CYP7B1: variants seen among roughly 807,000 people sequenced by gnomAD.
The protein encoded by CYP7B1 is cytochrome P450 7B1.
Under a neutral mutation model 42.7 loss-of-function variants are expected in CYP7B1, and 29 were observed. The ratio of observed to expected loss-of-function variants is 0.68; its 90% CI spans 0.51 to 0.93. The LOEUF is 0.93. Among genes scored for constraint, CYP7B1 ranks in the 40% least tolerant of loss-of-function variants. The probability of loss-of-function intolerance (pLI) is 0.00; values close to 1 mark genes in which losing one functional copy is unlikely to be tolerated. For missense variants in CYP7B1, 655 were observed against 600.5 expected, an observed-to-expected ratio of 1.09 and a Z score of -0.95; for synonymous variants, 235 against 218.2, an observed-to-expected ratio of 1.08 and a Z score of -0.68.
In CYP7B1 at chr8:64,759,976, T is replaced by C. The variant is rs1195092341; in HGVS notation, c.122+38490A>G. ...ATATTTCAGAGAATATGTTATAGAA[T>C]TTTTATAATTAAAATGTAGATATAA... On this transcript the variant is annotated intron_variant, in intron 1 of 5. Transcript: ENST00000310193. Among the ~76,000 whole-genome samples, 7 of 152,306 alleles carry C rather than the reference T, an allele frequency of 4.6e-5. No homozygotes were observed. In the East Asian group the frequency reaches 1.3e-3, roughly 29 times the overall value.
intron 2 of CYP7B1, among the ~76,000 whole-genome samples, chr8:64,623,034 A>T (rs1041539955): frequency 2.0e-5 from 3 of 151,848 alleles, no homozygotes; most frequent in African/African-American, 7.3e-5. Flanking sequence ...GTGTGTAGAG[A>T]TCAGCTTACA....
At chr8:64,789,808 C>T (rs1205866703) in intron 1 of CYP7B1, among the ~76,000 whole-genome samples, 3 of 152,198 alleles carry the variant, frequency 2.0e-5, no homozygotes, top group Non-Finnish European at 4.4e-5. Flanking sequence ...GGTGGTGAAT[C>T]GCCACTCCAG....
intron 1 of CYP7B1, among the ~76,000 whole-genome samples, chr8:64,777,248 A>G (rs563451074): frequency 8.6e-5 from 13 of 151,984 alleles, no homozygotes; most frequent in Non-Finnish European, 5.9e-5. Context: ...CAAAGACATG[A>G]AGGGTAAGAT....
At chr8:64,789,431 G>GT (rs1380810439) in intron 1 of CYP7B1, among the ~76,000 whole-genome samples, 30 of 152,152 alleles carry the variant, frequency 2.0e-4, no homozygotes, top group Admixed American at 1.9e-3. Context: ...TGATAAGGCA[G>GT]TAAGAGTCCC....
chr8:64,705,235 G>C (rs1020957370), intron 1 of CYP7B1, among the ~76,000 whole-genome samples: 5 of 151,610 alleles, frequency 3.3e-5, no homozygotes, highest in Non-Finnish European at 5.9e-5. Context: ...AAGGTGGGGG[G>C]GGGAATCACC....
chr8:64,695,400 AAGG>A (rs1247934470), intron 1 of CYP7B1, among the ~76,000 whole-genome samples: 5 of 152,058 alleles, frequency 3.3e-5, no homozygotes, highest in African/African-American at 9.7e-5. Context: ...GCTGAGGGAG[AAGG>A]AGGACATGTT....
At chr8:64,707,381 A>T (rs1314920393) in intron 1 of CYP7B1, among the ~76,000 whole-genome samples, 6 of 152,112 alleles carry the variant, frequency 3.9e-5, no homozygotes, top group African/African-American at 1.4e-4. Context: ...TTTCATAGTC[A>T]TAGTATGGGC....
intron 1 of CYP7B1, among the ~76,000 whole-genome samples, chr8:64,731,722 A>G (rs981252548): frequency 3.3e-5 from 5 of 152,228 alleles, no homozygotes; most frequent in Non-Finnish European, 4.4e-5. Context: ...CCAGAGGCCT[A>G]GGAGGAAAAA....
At chr8:64,723,835 TGTC>T (rs1807280487) in intron 1 of CYP7B1, among the ~76,000 whole-genome samples, 1 of 151,978 alleles carries the variant, frequency 6.6e-6, no homozygotes, top group Non-Finnish European at 1.5e-5. Context: ...GTAGAAAAAC[TGTC>T]GGCCATTCAT....
At chr8:64,704,227 T>G (rs1806959484) in intron 1 of CYP7B1, among the ~76,000 whole-genome samples, 1 of 152,098 alleles carries the variant, frequency 6.6e-6, no homozygotes, top group Non-Finnish European at 1.5e-5. Context: ...TTTACCCATG[T>G]GTCAGCTGAC....
At chr8:64,702,662 C>T (rs1404213834) in intron 1 of CYP7B1, among the ~76,000 whole-genome samples, 9 of 152,038 alleles carry the variant, frequency 5.9e-5, no homozygotes, top group African/African-American at 1.2e-4. Flanking sequence ...CTGACAAGCG[C>T]GCTTCATTCC....
At chr8:64,708,214 A>G (rs1807027983) in intron 1 of CYP7B1, among the ~76,000 whole-genome samples, 1 of 152,158 alleles carries the variant, frequency 6.6e-6, no homozygotes, top group Non-Finnish European at 1.5e-5. Context: ...AAAACTATAA[A>G]AGATTCAAAA....
At chr8:64,644,670 A>G (rs1278221015) in intron 1 of CYP7B1, among the ~76,000 whole-genome samples, 1 of 152,192 alleles carries the variant, frequency 6.6e-6, no homozygotes, top group Non-Finnish European at 1.5e-5. Flanking sequence ...CAATGAACTT[A>G]AAATATTCAG....
At chr8:64,635,046 A>C (rs1805750126) in intron 1 of CYP7B1, among the ~76,000 whole-genome samples, 1 of 152,220 alleles carries the variant, frequency 6.6e-6, no homozygotes, top group South Asian at 2.1e-4. Context: ...ACTCGAAGCA[A>C]GAAACATGTG....
chr8:64,654,016 C>T (rs1563378472), intron 1 of CYP7B1, among the ~76,000 whole-genome samples: 1 of 152,104 alleles, frequency 6.6e-6, no homozygotes, highest in East Asian at 1.9e-4. Flanking sequence ...TGTAGAAACA[C>T]AACTCAAAAT....
intron 1 of CYP7B1, among the ~76,000 whole-genome samples, chr8:64,793,025 G>A (rs1266566302): frequency 1.3e-5 from 2 of 152,140 alleles, no homozygotes; most frequent in East Asian, 1.9e-4. Context: ...AGAGAGGAAG[G>A]GTGTCAGAGT....
chr8:64,605,190 T>C (rs976668024), intron 4 of CYP7B1, among the ~76,000 whole-genome samples: 2 of 152,210 alleles, frequency 1.3e-5, no homozygotes, highest in African/African-American at 2.4e-5. Flanking sequence ...ATTAAAACCA[T>C]ATCCCAGTTA....
rs538022636 is a variant in CYP7B1 at position 64,617,208 on chromosome 8, T to C, written c.260-927A>G. Among the ~76,000 whole-genome samples, 3 of 152,250 alleles carry C rather than the reference T, an allele frequency of 2.0e-5. No individual in the cohort carries two copies. In the South Asian group the frequency reaches 6.2e-4, roughly 32 times the overall value. ...TATCAATTTAAAAACTTGGGATGCT[T>C]GCGAAAAATACAGATTCCTGCAAGA... On this transcript the variant is annotated intron_variant, in intron 2 of 5. Coordinates refer to ENST00000310193, the MANE Select transcript of CYP7B1 (RefSeq NM_004820.5).
At chr8:64,647,286 A>G (rs1255896670) in intron 1 of CYP7B1, among the ~76,000 whole-genome samples, 1 of 152,164 alleles carries the variant, frequency 6.6e-6, no homozygotes, top group African/African-American at 2.4e-5. Flanking sequence ...CACTGACCAC[A>G]GATCACTGAA....
Sources: gnomAD v4.1 joint callset for allele counts (sites outside exome capture counted in the v4.1 genomes callset) on GRCh38, gnomAD v4.1.1 for gene constraint, MANE v1.5 for transcripts, NCBI Gene and HGNC (gene_info 2026-07-23, HGNC 2026-07-21) for gene names.